Variants in LARS2 observed in about 807,000 individuals in gnomAD.
LARS2 encodes the protein leucyl-tRNA synthetase 2, mitochondrial.
A neutral mutation model predicts 116.6 loss-of-function variants in LARS2; 81 were observed. That is an observed-to-expected ratio of 0.69 (90% CI 0.58 to 0.84). The LOEUF is 0.84. Among genes scored for constraint, LARS2 ranks in the 40% least tolerant of loss-of-function variants. The pLI is 0.00. For missense variants in LARS2, 968 were observed against 1,114.5 expected (o/e 0.87, Z 1.87); for synonymous variants, 396 against 407.2 (o/e 0.97, Z 0.33).
At chr3:45,413,859 G>A (rs575640359) in intron 4 of LARS2, among the ~76,000 whole-genome samples, 13 of 152,324 alleles carry the variant, frequency 8.5e-5, no homozygotes, top group African/African-American at 1.4e-4. Flanking sequence ...GATGCACCTA[G>A]GTTGGGACAC....
At chr3:45,465,460 G>T (rs370876987) in intron 8 of LARS2, among the ~76,000 whole-genome samples, 3 of 152,220 alleles carry the variant, frequency 2.0e-5, no homozygotes, top group South Asian at 4.1e-4. Flanking sequence ...CTGGGCAGGG[G>T]TAGGAAGGGC....
At chr3:45,484,640 T>TATATATATATATATATATACAC in intron 10 of LARS2, among the ~76,000 whole-genome samples, 1 of 83,066 alleles carries the variant, frequency 1.2e-5, no homozygotes, top group Middle Eastern at 6.9e-3. Flanking sequence ...AATATATATA[T>TATATATATATATATATATACAC]ATATATATTT....
intron 15 of LARS2, among the ~76,000 whole-genome samples, chr3:45,507,220 G>A (rs1700213680): frequency 6.6e-6 from 1 of 151,390 alleles, no homozygotes; most frequent in African/African-American, 2.4e-5. Flanking sequence ...AACACAGCAA[G>A]ACCCCATTTC....
chr3:45,400,873 A>T (rs13072658), intron 4 of LARS2, among the ~76,000 whole-genome samples: 15,721 of 151,410 alleles, frequency 0.1, 982 homozygotes, highest in Middle Eastern at 0.17. Flanking sequence ...GAGTGCAGTG[A>T]CGCAGTCTCG....
intron 8 of LARS2, among the ~76,000 whole-genome samples, chr3:45,472,382 A>C (rs1023109541): frequency 2.0e-5 from 3 of 152,114 alleles, no homozygotes; most frequent in Non-Finnish European, 2.9e-5. Flanking sequence ...CAAGCGAGTA[A>C]TGAACCAAGA....
At chr3:45,476,353 G>C in intron 9 of LARS2, 115 bp from the exon 10 acceptor site, 1 of 1,111,962 alleles carries the variant, frequency 9.0e-7, no homozygotes, top group Middle Eastern at 2.1e-4. Context: ...CCAGTGGTCA[G>C]AGCTGTGGTC....
chr3:45,472,903 C>G (rs1699549164), intron 8 of LARS2, among the ~76,000 whole-genome samples: 1 of 152,204 alleles, frequency 6.6e-6, no homozygotes, highest in Non-Finnish European at 1.5e-5. Context: ...GTGCCTGGTA[C>G]TTAGGAAGTA....
chr3:45,459,864 G>A (rs143244214), intron 8 of LARS2, among the ~76,000 whole-genome samples: 8 of 152,314 alleles, frequency 5.3e-5, no homozygotes, highest in Admixed American at 6.5e-5. Flanking sequence ...ACTACTTATG[G>A]CATGTCATGT....
intron 16 of LARS2, among the ~76,000 whole-genome samples, chr3:45,515,173 TC>T (rs1430519325): frequency 3.3e-5 from 5 of 152,028 alleles, no homozygotes; most frequent in Admixed American, 6.5e-5. Context: ...CACCAGCCAC[TC>T]CTTTTTTCTT....
At chr3:45,442,522 A>G (rs570494904) in intron 6 of LARS2, among the ~76,000 whole-genome samples, 1 of 152,368 alleles carries the variant, frequency 6.6e-6, no homozygotes, top group East Asian at 1.9e-4. Flanking sequence ...TAAATGATTT[A>G]AAATTTAGGT....
At chr3:45,431,962 A>G (rs916942786) in intron 6 of LARS2, among the ~76,000 whole-genome samples, 6 of 152,200 alleles carry the variant, frequency 3.9e-5, no homozygotes, top group African/African-American at 7.2e-5. Flanking sequence ...TGAAAGTGAA[A>G]GGCTGAAAAA....
chr3:45,510,373 C>T (rs1252599341), intron 15 of LARS2, among the ~76,000 whole-genome samples: 3 of 152,004 alleles, frequency 2.0e-5, no homozygotes, highest in African/African-American at 7.2e-5. Flanking sequence ...GTGATTGTGC[C>T]ACTGCACCCC....
In LARS2 at chr3:45,517,911, C is replaced by G; in HGVS notation, c.2053C>G (p.Leu685Val). 6.2e-7 allele frequency: 1 copy of G among 1,612,304 alleles called. No homozygotes were observed. Among genetic ancestry groups the G allele is most frequent in the South Asian group, 1.1e-5 (1 of 90,762 alleles). Residue 685 changes from leucine to valine, a missense_variant, in exon 18 of 22, where the codon CTC (leucine) becomes GTC (valine). Coordinates refer to ENST00000645846, the MANE Select transcript of LARS2 (RefSeq NM_015340.4). ...ACTGATGCTGAATTCAGCTGATGCT[C>G]TCCCTGGGGTGCTGAGATGGCAACA... ...DILWDVKTDA[L>V]PGVLRWQQRL...
Position 45,476,578 on chromosome 3 carries a change from G to A in LARS2, c.969G>A (p.Gly323=). 1 of 1,614,138 alleles carries A rather than the reference G, an allele frequency of 6.2e-7. No homozygotes were observed. The highest frequency in any genetic ancestry group is 8.5e-7 in the Non-Finnish European group (1 of 1,180,018). ...CGCCCAGCCACAGACTCCTACATGG[G>A]CACAGCTCTCTGAAGGAAGCCTTGA... ...AISPSHRLLH[G]HSSLKEALRM... Residue 323 remains glycine (G), a synonymous_variant, in exon 10 of 22, where the codon GGG becomes GGA. Coordinates refer to ENST00000645846, the MANE Select transcript of LARS2 (RefSeq NM_015340.4).
rs1358976828 is a variant in LARS2, at chr3:45,512,515, A to G, written c.1761-620A>G. Among the ~76,000 whole-genome samples, 2 of 152,262 alleles carry G rather than the reference A, an allele frequency of 1.3e-5. 1 individual carries two copies. Among genetic ancestry groups the G allele is most frequent in the Non-Finnish European group, 2.9e-5 (2 of 68,040 alleles). On this transcript the variant is annotated intron_variant, in intron 15 of 21. Transcript: ENST00000645846. ...AAACAGGTACTATAAATAAGTTATA[A>G]TCAATTCATATTTCAGAACACTAGG...
At chr3:45,483,753 A>G (rs1029757717) in intron 10 of LARS2, among the ~76,000 whole-genome samples, 1 of 152,186 alleles carries the variant, frequency 6.6e-6, no homozygotes, top group Non-Finnish European at 1.5e-5. Flanking sequence ...TCTCCCAGCT[A>G]ACACATCTGT....
intron 3 of LARS2, among the ~76,000 whole-genome samples, chr3:45,399,305 A>G (rs1269411049): frequency 1.3e-5 from 2 of 152,232 alleles, no homozygotes; most frequent in African/African-American, 4.8e-5. Context: ...ATGCAGCTAT[A>G]GAGAATTTAG....
intron 16 of LARS2, among the ~76,000 whole-genome samples, 162 bp downstream of exon 16, chr3:45,513,397 G>A (rs531383726): frequency 1.4e-4 from 22 of 152,086 alleles, no homozygotes; most frequent in Non-Finnish European, 2.2e-4. Flanking sequence ...CTGGGCCTGC[G>A]CCCCCTGAAG....
At chr3:45,408,360 G>T (rs1235345568) in intron 4 of LARS2, among the ~76,000 whole-genome samples, 1 of 152,234 alleles carries the variant, frequency 6.6e-6, no homozygotes, top group Non-Finnish European at 1.5e-5. Context: ...GTAACTCCTG[G>T]TCTTCCATGG....
Sources: allele counts gnomAD v4.1 joint callset (sites outside exome capture counted in the v4.1 genomes callset), GRCh38; gene constraint gnomAD v4.1.1; transcripts MANE v1.5; gene names NCBI Gene and HGNC (gene_info 2026-07-23, HGNC 2026-07-21).